The following ZNF138 variants were observed in gnomAD, a reference collection of about 807,000 sequenced individuals.
ZNF138 encodes the protein zinc finger protein 138 (clone pHZ-32).
In ZNF138, 33 loss-of-function variants were observed where a neutral mutation model predicts 33.0. The observed-to-expected ratio is 1.00, with a 90% CI of 0.76 to 1.34. The LOEUF (loss-of-function observed/expected upper bound fraction) is 1.34, where lower values mean the gene tolerates loss of function less well. Ranked by LOEUF, ZNF138 falls within the 40% of genes most tolerant of loss-of-function variation. ZNF138 has a pLI of 0.00. For missense variants in ZNF138, 360 were observed against 370.8 expected (o/e 0.97, Z 0.24); for synonymous variants, 139 against 120.4 (o/e 1.15, Z -1.01).
chr7:64,825,580 G>A (rs1468207579), intron 3 of ZNF138, among the ~76,000 whole-genome samples: 7 of 129,930 alleles, frequency 5.4e-5, no homozygotes, highest in Admixed American at 3.2e-4. Flanking sequence ...TTGCTCTGTC[G>A]CCAAGCTGGA....
rs375428806 is a variant in ZNF138 at position 64,831,732 on chromosome 7, A to G, written c.490A>G (p.Asn164Asp). 16 of 1,613,118 alleles carry G rather than the reference A, an allele frequency of 9.9e-6. No homozygotes were observed. In the African/African-American group the frequency reaches 1.9e-4, roughly 19 times the overall value. Reference protein sequence around the residue: ...SNRHKIRHTENKHFRCKECDK... With the variant: ...SNRHKIRHTEDKHFRCKECDK... ...TAGACACAAGATAAGACATACTGAA[A>G]ATAAACATTTCAGATGTAAAGAATG... The change falls in exon 4 of 4, where the codon AAT becomes GAT. Residue 164 changes from asparagine (N) to aspartate (D), a missense_variant. Asn to Asp is a conservative substitution (Grantham distance 23). Coordinates refer to ENST00000307355, the MANE Select transcript of ZNF138 (RefSeq NM_001271639.2).
In ZNF138 at chr7:64,805,271, T is replaced by A. The variant is rs6964765; in HGVS notation, c.4-9647T>A. ...AAAATTAGCTGGGCGTGGTGGCAGG[T>A]GCCTGTAATCTCAGCTACTCAGGAG... is the stretch of plus-strand genomic sequence containing the variant. On this transcript the variant is annotated intron_variant, in intron 1 of 3. Coordinates refer to ENST00000307355, the MANE Select transcript of ZNF138 (RefSeq NM_001271639.2). 9.7e-4 allele frequency among the ~76,000 whole-genome samples: 148 copies of A among 152,196 alleles called. 1 individual carries two copies. The highest frequency in any genetic ancestry group is 3.5e-3 in the African/African-American group (147 of 41,528).
At chr7:64,839,813 T>C in the ZNF138 span, among the ~76,000 whole-genome samples, 1 of 151,926 alleles carries the variant, frequency 6.6e-6, no homozygotes, top group Non-Finnish European at 1.5e-5. Flanking sequence ...TCGGCACCAA[T>C]GAAAGGCAAT....
intron 1 of ZNF138, among the ~76,000 whole-genome samples, chr7:64,796,667 G>C (rs80058020): frequency 0.014 from 2,142 of 152,274 alleles, 49 homozygotes; most frequent in African/African-American, 0.049. Flanking sequence ...TGATGTCCAA[G>C]AGTATTCCAA....
chr7:64,841,169 A>T, the ZNF138 span, among the ~76,000 whole-genome samples: 1 of 152,084 alleles, frequency 6.6e-6, no homozygotes, highest in East Asian at 1.9e-4. Context: ...TGAGCTGGTC[A>T]TGACTAATAA....
At chr7:64,797,700 C>G (rs1392802018) in intron 1 of ZNF138, among the ~76,000 whole-genome samples, 2 of 152,114 alleles carry the variant, frequency 1.3e-5, no homozygotes, top group Non-Finnish European at 2.9e-5. Context: ...GGGTCATACT[C>G]AGGATGAAGT....
At chr7:64,825,441 G>A (rs1364838720) in intron 3 of ZNF138, among the ~76,000 whole-genome samples, 2 of 151,652 alleles carry the variant, frequency 1.3e-5, no homozygotes, top group Non-Finnish European at 2.9e-5. Flanking sequence ...AAAGTGCTGG[G>A]ATTACAGGCC....
At chr7:64,822,228 A>G (rs1485595738) in intron 3 of ZNF138, among the ~76,000 whole-genome samples, 1 of 151,438 alleles carries the variant, frequency 6.6e-6, no homozygotes, top group Non-Finnish European at 1.5e-5. Flanking sequence ...CAATTTGCAA[A>G]TATTTTCACC....
chr7:64,807,749 T>A (rs2128992774), intron 1 of ZNF138, among the ~76,000 whole-genome samples: 1 of 152,214 alleles, frequency 6.6e-6, no homozygotes, highest in East Asian at 1.9e-4. Context: ...GGAGTGTGGC[T>A]CTTTGAGCTT....
At chr7:64,849,131 C>T in the ZNF138 span, among the ~76,000 whole-genome samples, 1 of 152,082 alleles carries the variant, frequency 6.6e-6, no homozygotes, top group African/African-American at 2.4e-5. Context: ...TTATTTTGTC[C>T]CATGGGGTAT....
At chr7:64,811,870 C>T (rs75869509) in intron 1 of ZNF138, among the ~76,000 whole-genome samples, 3,638 of 152,284 alleles carry the variant, frequency 0.024, 67 homozygotes, top group Non-Finnish European at 0.035. Context: ...TGAACCCTTT[C>T]CAAACCTGCA....
the ZNF138 span, among the ~76,000 whole-genome samples, chr7:64,854,038 A>G: frequency 4.4e-3 from 5 of 1,138 alleles, no homozygotes; most frequent in Non-Finnish European, 0.17. Context: ...TTTAACCAGA[A>G]AAAAAAAAAT....
At chr7:64,855,423 C>G in the ZNF138 span, among the ~76,000 whole-genome samples, 2 of 142,222 alleles carry the variant, frequency 1.4e-5, no homozygotes, top group African/African-American at 6.2e-5. Context: ...ATAAAGTCTT[C>G]TTAGTTAAGA....
At chr7:64,795,511 C>T (rs1339386701) in intron 1 of ZNF138, among the ~76,000 whole-genome samples, 1 of 152,188 alleles carries the variant, frequency 6.6e-6, no homozygotes, top group African/African-American at 2.4e-5. Flanking sequence ...TTCACATTAT[C>T]AACTATTTGT....
At chr7:64,844,179 C>T in the ZNF138 span, among the ~76,000 whole-genome samples, 1 of 152,208 alleles carries the variant, frequency 6.6e-6, no homozygotes, top group African/African-American at 2.4e-5. Flanking sequence ...AAGATGTCCT[C>T]CCTCTTCACT....
rs547423137 is a variant in ZNF138, at chr7:64,808,031, G to A, written c.4-6887G>A. ...CTAGGGCAGTTTCATTTTTTATTTA[G>A]AATCAGCCTGTCCCACTCCTGCTTG... On this transcript the variant is annotated intron_variant, in intron 1 of 3. Transcript: ENST00000307355. Among the ~76,000 whole-genome samples, 6 of 152,290 alleles carry A rather than the reference G, an allele frequency of 3.9e-5. No individual in the cohort carries two copies. The South Asian group carries it at 8.3e-4, about 21-fold the overall frequency.
chr7:64,839,684 G>A, the ZNF138 span, among the ~76,000 whole-genome samples: 1 of 152,140 alleles, frequency 6.6e-6, no homozygotes, highest in Non-Finnish European at 1.5e-5. Context: ...GTAACCGGAC[G>A]AAATGGACCG....
At chr7:64,852,770 A>G in the ZNF138 span, 3 of 859,446 alleles carry the variant, frequency 3.5e-6, no homozygotes, top group Non-Finnish European at 6.1e-6. Flanking sequence ...TGTCAACACC[A>G]GCACATCCCC....
chr7:64,849,126 T>C, the ZNF138 span, among the ~76,000 whole-genome samples: 1 of 152,210 alleles, frequency 6.6e-6, no homozygotes, highest in South Asian at 2.1e-4. Flanking sequence ...TCAGATTATT[T>C]TGTCCCATGG....
Sources: allele counts gnomAD v4.1 joint callset (sites outside exome capture counted in the v4.1 genomes callset), GRCh38; gene constraint gnomAD v4.1.1; transcripts MANE v1.5; gene names NCBI Gene and HGNC (gene_info 2026-07-23, HGNC 2026-07-21).